Variants in VPS13A observed in about 807,000 individuals in gnomAD.
The protein encoded by VPS13A is intermembrane lipid transfer protein VPS13A.
Under a neutral mutation model 390.9 loss-of-function variants are expected in VPS13A, and 264 were observed. The ratio of observed to expected loss-of-function variants is 0.68; its 90% CI spans 0.61 to 0.75. The LOEUF is 0.75. Ranked by LOEUF, VPS13A falls within the 30% of genes least tolerant of loss-of-function variation. The pLI, the probability that VPS13A is intolerant of heterozygous loss-of-function variation, is 0.00. For synonymous variants in VPS13A, 1,231 were observed against 1,227.1 expected, an observed-to-expected ratio of 1.00 and a Z score of -0.07; for missense variants, 3,409 against 3,733.9, an observed-to-expected ratio of 0.91 and a Z score of 2.27.
intron 1 of VPS13A, among the ~76,000 whole-genome samples, chr9:77,188,717 G>C (rs1349626374): frequency 6.6e-6 from 1 of 152,166 alleles, no homozygotes; most frequent in Non-Finnish European, 1.5e-5. Context: ...ATTCCAAAGT[G>C]GCTGAACTAA....
intron 33 of VPS13A, among the ~76,000 whole-genome samples, chr9:77,302,664 G>A (rs563606208): frequency 4.6e-5 from 7 of 152,050 alleles, no homozygotes; most frequent in Admixed American, 4.6e-4. Flanking sequence ...GTAAGCTACT[G>A]TGCGTAGCTC....
intron 68 of VPS13A, among the ~76,000 whole-genome samples, chr9:77,392,050 G>A (rs1422195617): frequency 6.6e-6 from 1 of 152,106 alleles, no homozygotes; most frequent in Non-Finnish European, 1.5e-5. Context: ...CACATGCCAC[G>A]TTAGAGGCCA....
At chr9:77,250,570 C>T (rs1204797511) in intron 21 of VPS13A, among the ~76,000 whole-genome samples, 1 of 152,204 alleles carries the variant, frequency 6.6e-6, no homozygotes, top group African/African-American at 2.4e-5. Flanking sequence ...AAATCCTGAT[C>T]TGTACCAATG....
intron 54 of VPS13A, 89 bp from the exon 55 acceptor site, chr9:77,356,625 G>A: frequency 2.9e-6 from 4 of 1,401,358 alleles, no homozygotes; most frequent in South Asian, 2.5e-5. Flanking sequence ...AAATTTTAGT[G>A]AAGGTATTGT....
chr9:77,203,588 A>C (rs897901618), intron 3 of VPS13A, among the ~76,000 whole-genome samples: 1 of 152,128 alleles, frequency 6.6e-6, no homozygotes, highest in Non-Finnish European at 1.5e-5. Flanking sequence ...GCGCCTGGTC[A>C]AGTTTGGATT....
Position 77,314,137 on chromosome 9 carries a change from A to C in VPS13A, c.4242+18A>C, listed in dbSNP as rs762305818. ...CTAAACAGGTAAGTCCAGGAAGAAA[A>C]GAAAATGTATTTTCACATGTGAAAT... On this transcript the variant is annotated intron_variant, in intron 36 of 71. Coordinates refer to ENST00000360280, the MANE Select transcript of VPS13A (RefSeq NM_033305.3). 1 of 1,612,336 alleles carries C rather than the reference A, an allele frequency of 6.2e-7. No individual in the cohort carries two copies. The highest frequency in any genetic ancestry group is 1.7e-5 in the Admixed American group (1 of 59,936).
intron 41 of VPS13A, among the ~76,000 whole-genome samples, 193 bp downstream of exon 41, chr9:77,318,784 C>G (rs532127691): frequency 6.6e-6 from 1 of 152,090 alleles, no homozygotes; most frequent in South Asian, 2.1e-4. Flanking sequence ...TGTATACATT[C>G]CTTTTACTTT....
At chr9:77,405,334 AGAAAT>A (rs1834553782) in intron 69 of VPS13A, among the ~76,000 whole-genome samples, 2 of 152,204 alleles carry the variant, frequency 1.3e-5, no homozygotes, top group African/African-American at 4.8e-5. Context: ...ATGGAGCCTT[AGAAAT>A]GAAAGTATTT....
chr9:77,388,296 C>A (rs59714476), intron 68 of VPS13A, among the ~76,000 whole-genome samples: 371 of 152,068 alleles, frequency 2.4e-3, no homozygotes, highest in African/African-American at 8.7e-3. Flanking sequence ...GTGAGTACAG[C>A]CAGCATTATA....
At chr9:77,258,368 A>T (rs772212059) in intron 22 of VPS13A, among the ~76,000 whole-genome samples, 1 of 152,206 alleles carries the variant, frequency 6.6e-6, no homozygotes, top group Non-Finnish European at 1.5e-5. Context: ...CCTATATGGT[A>T]CATGGGGTGG....
At chr9:77,370,808 G>A in intron 65 of VPS13A, 82 bp from the exon 66 acceptor site, 3 of 1,569,784 alleles carry the variant, frequency 1.9e-6, no homozygotes, top group Admixed American at 1.7e-5. Context: ...GCAGAACTCT[G>A]TATTTTTTGT....
intron 51 of VPS13A, 30 bp downstream of exon 51, chr9:77,344,311 C>G: frequency 6.2e-7 from 1 of 1,607,906 alleles, no homozygotes; most frequent in Non-Finnish European, 8.5e-7. Flanking sequence ...TTGCATGTGT[C>G]ATTAGGAAAG....
intron 32 of VPS13A, among the ~76,000 whole-genome samples, chr9:77,294,543 C>T (rs1351037448): frequency 2.0e-5 from 3 of 152,068 alleles, no homozygotes; most frequent in South Asian, 2.1e-4. Flanking sequence ...AAAGTATTTG[C>T]GTGTTCATTT....
At chr9:77,315,024 C>G (rs988464724) in intron 37 of VPS13A, among the ~76,000 whole-genome samples, 4 of 152,106 alleles carry the variant, frequency 2.6e-5, no homozygotes, top group African/African-American at 9.7e-5. Flanking sequence ...TCCTGAGATT[C>G]AAACTCTTAT....
chr9:77,327,611 A>G lies in VPS13A; in HGVS notation c.5991+4384A>G, dbSNP rs186217307. The stretch of plus-strand genomic sequence containing the variant: ...GTTATTATCTATTCCAAAGATAAAT[A>G]TGAGTATTTGGAGGTTTTCTGATAT... On this transcript the variant is annotated intron_variant, in intron 45 of 71. Transcript: ENST00000360280. Among the ~76,000 whole-genome samples the G allele has an allele frequency of 5.6e-4, 85 of 151,730 alleles. 1 individual carries two copies. The East Asian group carries it at 7.1e-3, about 13-fold the overall frequency.
chr9:77,372,441 A>G (rs893936133), intron 67 of VPS13A, among the ~76,000 whole-genome samples: 1 of 152,120 alleles, frequency 6.6e-6, no homozygotes, highest in African/African-American at 2.4e-5. Context: ...ACAACCCTTC[A>G]TGCTAAAAAC....
chr9:77,314,880 T>C (rs570821573), intron 37 of VPS13A, among the ~76,000 whole-genome samples: 42 of 152,292 alleles, frequency 2.8e-4, no homozygotes, highest in African/African-American at 9.4e-4. Context: ...GTTGAGTAAC[T>C]AGAAATAATC....
At chr9:77,347,620 G>A (rs915163944) in intron 52 of VPS13A, among the ~76,000 whole-genome samples, 1 of 152,026 alleles carries the variant, frequency 6.6e-6, no homozygotes, top group Non-Finnish European at 1.5e-5. Flanking sequence ...GGGTTTACAG[G>A]CATGTGCCAC....
intron 23 of VPS13A, among the ~76,000 whole-genome samples, chr9:77,263,914 A>T (rs1233080239): frequency 6.6e-6 from 1 of 152,140 alleles, no homozygotes; most frequent in Admixed American, 6.5e-5. Flanking sequence ...TCTTGAATTA[A>T]TTTTTGCATA....
Sources: allele counts gnomAD v4.1 joint callset (sites outside exome capture counted in the v4.1 genomes callset), GRCh38; gene constraint gnomAD v4.1.1; transcripts MANE v1.5; gene names NCBI Gene and HGNC (gene_info 2026-07-23, HGNC 2026-07-21).